The following RABL2A variants were observed in gnomAD, a reference collection of about 807,000 sequenced individuals.
The protein encoded by RABL2A is RAB, member of RAS oncogene family like 2A, also known as rab-like protein 2A.
In RABL2A, 17 loss-of-function variants were observed where a neutral mutation model predicts 30.7. The ratio of observed to expected loss-of-function variants is 0.55; its 90% CI spans 0.38 to 0.83. The LOEUF (loss-of-function observed/expected upper bound fraction) is 0.83, where lower values mean the gene tolerates loss of function less well. Among genes scored for constraint, RABL2A ranks in the 40% least tolerant of loss-of-function variants. RABL2A has a pLI of 0.00. For missense variants in RABL2A, 155 were observed against 272.6 expected (o/e 0.57, Z 3.04); for synonymous variants, 64 against 101.8 (o/e 0.63, Z 2.24).
intron 2 of RABL2A, 38 bp downstream of exon 2, chr2:113,628,751 A>C (rs1679078490): frequency 3.2e-6 from 4 of 1,236,240 alleles, no homozygotes; most frequent in Non-Finnish European, 3.4e-6. Flanking sequence ...CCAGCCCCAG[A>C]GAGGGTCCAG....
chr2:113,634,749 C>T (rs1005625721), intron 4 of RABL2A: 5 of 474,604 alleles, frequency 1.1e-5, no homozygotes, highest in Non-Finnish European at 1.6e-5. Flanking sequence ...GAGGACCCTG[C>T]GTGTCACGTG....
chr2:113,637,715 C>A, intron 5 of RABL2A: 1 of 1,271,810 alleles, frequency 7.9e-7, no homozygotes, highest in South Asian at 1.3e-5. Context: ...GTCTGACCCT[C>A]AAGAGCAGAG....
chr2:113,643,335 T>C lies in RABL2A; in HGVS notation c.*1206T>C, dbSNP rs1165575045. ...TCGGGCATTGTTTGCATTGTGTTTATTAATAGGGTTTTGTTTTTATTGTTT... is the reference window on the plus strand; with the variant it reads ...TCGGGCATTGTTTGCATTGTGTTTACTAATAGGGTTTTGTTTTTATTGTTT... On this transcript the variant is annotated 3_prime_UTR_variant, in exon 9 of 9. Coordinates refer to ENST00000683472, the MANE Select transcript of RABL2A (RefSeq NM_001306158.2). 8.7e-6 allele frequency: 3 copies of C among 345,850 alleles called. No homozygotes were observed. The highest frequency in any genetic ancestry group is 1.7e-5 in the Non-Finnish European group (3 of 177,122). The allele number at this position is 345,850 out of a possible 1,614,324, so 21.4% of individuals were successfully genotyped here.
chr2:113,642,213 T>C lies in RABL2A; in HGVS notation c.*84T>C. On this transcript the variant is annotated 3_prime_UTR_variant, in exon 9 of 9. Coordinates refer to ENST00000683472, the MANE Select transcript of RABL2A (RefSeq NM_001306158.2). ...TCCAGCTCTGAATGGAGAAACTCTCTAGGCCATCCCCTCTTCTACCTCCTG... is the reference window on the plus strand; with the variant it reads ...TCCAGCTCTGAATGGAGAAACTCTCCAGGCCATCCCCTCTTCTACCTCCTG... 6.7e-7 allele frequency: 1 copy of C among 1,484,796 alleles called. No homozygotes were observed. 92.0% of individuals were successfully genotyped at this position (1,484,796 alleles called of 1,614,324 possible).
intron 5 of RABL2A, among the ~76,000 whole-genome samples, chr2:113,636,798 C>T (rs1303655519): frequency 6.6e-6 from 1 of 152,006 alleles, no homozygotes; most frequent in Non-Finnish European, 1.5e-5. Flanking sequence ...ACCATCCTGG[C>T]TAACACAGTG....
At chr2:113,638,800 C>T (rs562944782) in intron 5 of RABL2A, among the ~76,000 whole-genome samples, 9 of 151,892 alleles carry the variant, frequency 5.9e-5, no homozygotes, top group African/African-American at 1.7e-4. Flanking sequence ...ACAGGAGAAT[C>T]GTTTGAACCC....
rs538420379 is a variant in RABL2A, at chr2:113,632,199, G to T, written c.108-716G>T. ...TAAGCCTTGCAGATATCTGGCAGGA[G>T]CATTTCAACAACAAAAGGAGGAAAT... On this transcript the variant is annotated intron_variant, in intron 2 of 8. Coordinates refer to ENST00000683472, the MANE Select transcript of RABL2A (RefSeq NM_001306158.2). Among the ~76,000 whole-genome samples, 840 of 152,326 alleles carry T rather than the reference G, an allele frequency of 5.5e-3. 2 individuals carry two copies. Among genetic ancestry groups the T allele is most frequent in the African/African-American group, 0.019 (778 of 41,566 alleles).
rs769076054 is a variant in RABL2A, at chr2:113,633,001, A to G, written c.137+57A>G. ...CCTGTGGGTCTTCCCACGCTCATGT[A>G]TCAGTGTCCCACTGCCCACCCCTTT... On this transcript the variant is annotated intron_variant, in intron 3 of 8. Coordinates refer to ENST00000683472, the MANE Select transcript of RABL2A (RefSeq NM_001306158.2). The G allele has an allele frequency of 6.8e-6, 11 of 1,613,500 alleles. No homozygotes were observed. The Admixed American group carries it at 1.3e-4, about 20-fold the overall frequency.
In RABL2A at chr2:113,634,945, T is replaced by C. The variant is rs939580411; in HGVS notation, c.218-106T>C. The C allele has an allele frequency of 3.1e-5, 35 of 1,131,724 alleles. No homozygotes were observed. In the African/African-American group the frequency reaches 4.3e-4, roughly 14 times the overall value. The allele number at this position is 1,131,724 out of a possible 1,614,324, so 70.1% of individuals were successfully genotyped here. A position where few individuals can be genotyped will look rare whatever the true frequency, so the allele number is the denominator to read the frequency against. On this transcript the variant is annotated intron_variant, in intron 4 of 8. Coordinates refer to ENST00000683472, the MANE Select transcript of RABL2A (RefSeq NM_001306158.2). ...TCTCTGTTTCTCCCTGTGCTCCCCA[T>C]GTACACTCACACATGTGCTGTGGTT...
chr2:113,640,779 C>G, intron 5 of RABL2A, 115 bp from the exon 6 acceptor site: 26 of 1,556,422 alleles, frequency 1.7e-5, no homozygotes, highest in Non-Finnish European at 2.3e-5. Flanking sequence ...TCAGAGCGTT[C>G]CCACAAACAG....
chr2:113,630,830 C>T (rs1179061048), intron 2 of RABL2A, among the ~76,000 whole-genome samples: 1 of 152,146 alleles, frequency 6.6e-6, no homozygotes, highest in Non-Finnish European at 1.5e-5. Flanking sequence ...TGAGCCACTG[C>T]ACCCGACCAG....
At chr2:113,638,275 G>A (rs1683703057) in intron 5 of RABL2A, 3 of 985,432 alleles carry the variant, frequency 3.0e-6, no homozygotes, top group Non-Finnish European at 3.6e-6. Flanking sequence ...AGATGTGACA[G>A]TTGCTGACCC....
At chr2:113,633,021 C>A (rs2592670) in intron 3 of RABL2A, 77 bp downstream of exon 3, 3 of 1,606,810 alleles carry the variant, frequency 1.9e-6, no homozygotes, top group Non-Finnish European at 1.7e-6. Flanking sequence ...CACTGCCCAC[C>A]CCTTTGTACC....
rs551347676 is a variant in RABL2A, at chr2:113,637,314, C to T, written c.297+2184C>T. ...CATTTTTCAGGCCCTGCTTCAATGCCACCACCTCCGTGCAGCCTCCTCTGA... is the reference window on the plus strand; with the variant it reads ...CATTTTTCAGGCCCTGCTTCAATGCTACCACCTCCGTGCAGCCTCCTCTGA... On this transcript the variant is annotated intron_variant, in intron 5 of 8. Transcript: ENST00000683472. 66 of 991,004 alleles carry T rather than the reference C, an allele frequency of 6.7e-5. No individual in the cohort carries two copies. In the Middle Eastern group the frequency reaches 1.6e-3, roughly 24 times the overall value. The allele number at this position is 991,004 out of a possible 1,614,324, so 61.4% of individuals were successfully genotyped here.
chr2:113,641,424 G>T lies in RABL2A; in HGVS notation c.481G>T (p.Ala161Ser), dbSNP rs1257712513. ...CTCCCTGCCCCTGTATTTCGTCTCG[G>T]CTGCTGATGGTACCAATGTTGTGAA... ...KFSLPLYFVS[A>S]ADGTNVVKLF... is the part of the protein sequence containing the mutation. Residue 161 changes from alanine (A) to serine (S), a missense_variant, in exon 7 of 9, where the codon GCT (alanine) becomes TCT (serine). Physicochemically the swap from Ala to Ser is moderately conservative, Grantham distance 99 (BLOSUM62 1). Transcript: ENST00000683472. 6.2e-7 allele frequency: 1 copy of T among 1,612,078 alleles called. No individual in the cohort carries two copies. Among genetic ancestry groups the T allele is most frequent in the Non-Finnish European group, 8.5e-7 (1 of 1,179,316 alleles).
At position 113,642,591 on chromosome 2, in the gene RABL2A, C is replaced by A. The variant is rs563821752; in HGVS notation, c.*462C>A. On this transcript the variant is annotated 3_prime_UTR_variant, in exon 9 of 9. Coordinates refer to ENST00000683472, the MANE Select transcript of RABL2A (RefSeq NM_001306158.2). ...TCTGTGAGGCCCCATCCTTTCCCTA[C>A]GTTTTCTCCCATCTTTTTTCCTCTT... is the stretch of plus-strand genomic sequence containing the variant. 4.6e-6 allele frequency: 1 copy of A among 215,196 alleles called. No homozygotes were observed. Among genetic ancestry groups the A allele is most frequent in the Non-Finnish European group, 9.4e-6 (1 of 106,700 alleles). The allele number at this position is 215,196 out of a possible 1,614,324, so 13.3% of individuals were successfully genotyped here. A position where few individuals can be genotyped will look rare whatever the true frequency, so the allele number is the denominator to read the frequency against.
Position 113,633,015 on chromosome 2 carries a change from G to T in RABL2A, c.137+71G>T, listed in dbSNP as rs371136098. On this transcript the variant is annotated intron_variant, in intron 3 of 8. Transcript: ENST00000683472. ...CACGCTCATGTATCAGTGTCCCACT[G>T]CCCACCCCTTTGTACCAGCAGCCCA... is the stretch of plus-strand genomic sequence containing the variant. The T allele has an allele frequency of 1.2e-4, 199 of 1,610,892 alleles. 1 individual carries two copies. The African/African-American group carries it at 2.2e-3, about 18-fold the overall frequency.
Position 113,634,786 on chromosome 2 carries a change from C to T in RABL2A, c.218-265C>T, listed in dbSNP as rs1681875333. On this transcript the variant is annotated intron_variant, in intron 4 of 8. Coordinates refer to ENST00000683472, the MANE Select transcript of RABL2A (RefSeq NM_001306158.2). ...GAAACGGGGAACTGTCTTCTCCCTC[C>T]TTGGGCTTCCAGTGTGTTGTCCTTC... is the stretch of plus-strand genomic sequence containing the variant. Among the ~76,000 whole-genome samples, 3 of 152,140 alleles carry T rather than the reference C, an allele frequency of 2.0e-5. No individual in the cohort carries two copies. The South Asian group carries it at 6.2e-4, about 32-fold the overall frequency.
At position 113,641,868 on chromosome 2, in the gene RABL2A, G is replaced by C. The variant is rs1330015941; in HGVS notation, c.591+4G>C. 8.7e-7 allele frequency: 1 copy of C among 1,153,740 alleles called. No individual in the cohort carries two copies. Among genetic ancestry groups the C allele is most frequent in the African/African-American group, 1.7e-5 (1 of 58,494 alleles). 71.5% of individuals were successfully genotyped at this position (1,153,740 alleles called of 1,614,324 possible). A position where few individuals can be genotyped will look rare whatever the true frequency, so the allele number is the denominator to read the frequency against. Reference sequence around the variant, plus strand: ...TGAGATTTTTCAGGAGCTCGAGGTAGGTCAGGTCCACATTTCGGGTGGGAT... The same window carrying C: ...TGAGATTTTTCAGGAGCTCGAGGTACGTCAGGTCCACATTTCGGGTGGGAT... On this transcript the variant is annotated splice_donor_region_variant and intron_variant, in intron 8 of 8. Transcript: ENST00000683472.
Sources: allele counts gnomAD v4.1 joint callset (sites outside exome capture counted in the v4.1 genomes callset), GRCh38; gene constraint gnomAD v4.1.1; transcripts MANE v1.5; gene names NCBI Gene and HGNC (gene_info 2026-07-23, HGNC 2026-07-21).